The following PTPDC1 variants were observed in gnomAD, a reference collection of about 807,000 sequenced individuals.
PTPDC1 encodes protein tyrosine phosphatase domain containing 1.
Under a neutral mutation model 75.3 loss-of-function variants are expected in PTPDC1, and 53 were observed. That is an observed-to-expected ratio of 0.70 (90% confidence interval 0.56 to 0.88). PTPDC1 has a LOEUF of 0.88. Among genes scored for constraint, PTPDC1 ranks in the 40% least tolerant of loss-of-function variants. PTPDC1 has a pLI of 0.00. For synonymous variants in PTPDC1, 349 were observed against 366.2 expected, an observed-to-expected ratio of 0.95 and a Z score of 0.54; for missense variants, 925 against 998.6, an observed-to-expected ratio of 0.93 and a Z score of 0.99.
chr9:94,075,787 G>A (rs990057456), intron 2 of PTPDC1, among the ~76,000 whole-genome samples: 12 of 152,164 alleles, frequency 7.9e-5, no homozygotes, highest in African/African-American at 2.9e-4. Flanking sequence ...CTTTATTAAG[G>A]AAAGGAGAGC....
chr9:94,064,156 G>T (rs901795310), intron 1 of PTPDC1, among the ~76,000 whole-genome samples: 12 of 152,246 alleles, frequency 7.9e-5, no homozygotes, highest in African/African-American at 2.9e-4. Context: ...GCTCAAAAAT[G>T]TTGAGATCAT....
chr9:94,048,604 CGA>C (rs1216616216), intron 1 of PTPDC1, among the ~76,000 whole-genome samples: 4 of 152,034 alleles, frequency 2.6e-5, no homozygotes, highest in African/African-American at 9.6e-5. Context: ...TTACATTTGC[CGA>C]GGAGTGCTTT....
In PTPDC1 at chr9:94,109,363, T is replaced by G. The variant is rs1828123732; in HGVS notation, c.*1419T>G. 6.6e-6 allele frequency: 1 copy of G among 152,250 alleles called. No homozygotes were observed. Among genetic ancestry groups the G allele is most frequent in the South Asian group, 2.1e-4 (1 of 4,838 alleles). 9.4% of individuals were successfully genotyped at this position (152,250 alleles called of 1,614,324 possible). On this transcript the variant is annotated 3_prime_UTR_variant, in exon 9 of 9. Coordinates refer to ENST00000620992, the MANE Select transcript of PTPDC1 (RefSeq NM_001253829.2). ...TTTCTCCAGTCCTACATTTCTGAAT[T>G]GACTTCTAGCACATCAAAAATATTT...
At chr9:94,037,734 G>A (rs1245247825) in intron 1 of PTPDC1, among the ~76,000 whole-genome samples, 2 of 151,892 alleles carry the variant, frequency 1.3e-5, no homozygotes, top group Non-Finnish European at 2.9e-5. Flanking sequence ...TGCCCCTTTC[G>A]GTCCTTAATT....
At chr9:94,076,010 T>G (rs960491278) in intron 2 of PTPDC1, among the ~76,000 whole-genome samples, 10 of 152,066 alleles carry the variant, frequency 6.6e-5, no homozygotes, top group Admixed American at 5.9e-4. Context: ...TGTTTGTTTG[T>G]TTTTTTGAGA....
chr9:94,096,428 T>C (rs1827570786), intron 5 of PTPDC1, among the ~76,000 whole-genome samples: 2 of 152,226 alleles, frequency 1.3e-5, no homozygotes, highest in African/African-American at 2.4e-5. Context: ...CTGGAGAGCA[T>C]GCAGTTTTCA....
chr9:94,048,653 G>A (rs1181376566), intron 1 of PTPDC1, among the ~76,000 whole-genome samples: 2 of 152,114 alleles, frequency 1.3e-5, no homozygotes, highest in Non-Finnish European at 2.9e-5. Context: ...AATAGGTGTG[G>A]TGTGGTGCTG....
At chr9:94,098,692 CATA>C (rs1827721820) in intron 6 of PTPDC1, 113 bp downstream of exon 6, 1 of 915,270 alleles carries the variant, frequency 1.1e-6, no homozygotes, top group African/African-American at 1.7e-5. Context: ...GATACGTTTG[CATA>C]ATACTTTCTA....
intron 1 of PTPDC1, among the ~76,000 whole-genome samples, chr9:94,057,171 T>A (rs979869094): frequency 6.6e-6 from 1 of 152,146 alleles, no homozygotes. Flanking sequence ...CTCAACCTCC[T>A]AGGATCAGGT....
intron 2 of PTPDC1, among the ~76,000 whole-genome samples, chr9:94,071,343 AT>A (rs932551533): frequency 6.7e-6 from 1 of 150,192 alleles, no homozygotes; most frequent in Non-Finnish European, 1.5e-5. Flanking sequence ...TTTATCCACT[AT>A]TTTTTTTTAC....
At chr9:94,064,127 C>T (rs1391869391) in intron 1 of PTPDC1, among the ~76,000 whole-genome samples, 1 of 152,106 alleles carries the variant, frequency 6.6e-6, no homozygotes, top group Non-Finnish European at 1.5e-5. Flanking sequence ...AGTTGAATTA[C>T]ACAGTTGTTT....
chr9:94,079,268 G>A (rs147923576), intron 2 of PTPDC1, among the ~76,000 whole-genome samples: 3 of 150,718 alleles, frequency 2.0e-5, no homozygotes, highest in South Asian at 2.1e-4. Context: ...TCAAGCAAAC[G>A]CAGTCACCCT....
In PTPDC1 at chr9:94,107,878, A is replaced by G. The variant is rs753652294; in HGVS notation, c.2361A>G (p.Lys787=). Residue 787 remains lysine, a synonymous_variant, in exon 9 of 9, where the codon AAA becomes AAG. Transcript: ENST00000620992. ...CAACAGTTTACAACACCCTGAAGAA[A>G]ATATTTAAGCACACGCTGGAAGAAA... The part of the protein sequence containing the change: ...NGPTVYNTLK[K]IFKHTLEEKR... The G allele has an allele frequency of 6.2e-7, 1 of 1,611,350 alleles. No homozygotes were observed.
intron 2 of PTPDC1, among the ~76,000 whole-genome samples, chr9:94,072,748 A>G (rs1826556103): frequency 6.6e-6 from 1 of 151,932 alleles, no homozygotes; most frequent in African/African-American, 2.4e-5. Context: ...GAATTTTTTT[A>G]TCTAATGCTT....
chr9:94,060,415 TAA>T (rs1017635429), intron 1 of PTPDC1, among the ~76,000 whole-genome samples: 80 of 152,318 alleles, frequency 5.3e-4, no homozygotes, highest in African/African-American at 1.4e-3. Flanking sequence ...TAGTTAGAAA[TAA>T]GTCTTTAAAG....
At chr9:94,080,163 G>T (rs918831913), upstream of PTPDC1, among the ~76,000 whole-genome samples, 5 of 152,328 alleles carry the variant, frequency 3.3e-5, no homozygotes, top group East Asian at 3.9e-4. Context: ...TGGCATAGGT[G>T]TTAAAGCCCA....
intron 2 of PTPDC1, among the ~76,000 whole-genome samples, chr9:94,086,309 A>G: frequency 1.3e-5 from 2 of 152,336 alleles, no homozygotes; most frequent in East Asian, 3.9e-4. Flanking sequence ...TAGTCAGACA[A>G]GAAAATTTCT....
intron 1 of PTPDC1, among the ~76,000 whole-genome samples, chr9:94,041,908 G>A (rs1825436390): frequency 6.6e-6 from 1 of 152,108 alleles, no homozygotes; most frequent in African/African-American, 2.4e-5. Flanking sequence ...TTGCTTTTAG[G>A]CCGTGTCAGT....
At chr9:94,035,604 C>T (rs141701695) in intron 1 of PTPDC1, among the ~76,000 whole-genome samples, 181 of 152,254 alleles carry the variant, frequency 1.2e-3, no homozygotes, top group East Asian at 3.9e-3. Context: ...AGTTTGATTC[C>T]GTAACTTGGC....
Sources: allele counts gnomAD v4.1 joint callset (sites outside exome capture counted in the v4.1 genomes callset), GRCh38; gene constraint gnomAD v4.1.1; transcripts MANE v1.5; gene names NCBI Gene and HGNC (gene_info 2026-07-23, HGNC 2026-07-21).